HYOU1: variants seen among roughly 807,000 people sequenced by gnomAD.
HYOU1 encodes the protein hypoxia up-regulated 1.
A neutral mutation model predicts 120.5 loss-of-function variants in HYOU1; 40 were observed. That is an observed-to-expected ratio of 0.33 (90% CI 0.26 to 0.43). HYOU1 has a LOEUF of 0.43. Ranked by LOEUF, HYOU1 falls within the 20% of genes least tolerant of loss-of-function variation. HYOU1 has a pLI of 1.00. For synonymous variants in HYOU1, 501 were observed against 479.4 expected (o/e 1.05, Z -0.59); for missense variants, 1,085 against 1,278.3 (o/e 0.85, Z 2.31).
rs2133574341 is a variant in HYOU1 at position 119,049,596 on chromosome 11, G to A, written c.1766C>T (p.Thr589Ile). The change falls in exon 16 of 26, where the codon ACC becomes ATC. Residue 589 changes from threonine to isoleucine, a missense_variant. By Grantham distance (89) the Thr-to-Ile change is moderately conservative. This residue lies in a region of HYOU1 where 516 missense variants were observed against 517.1 expected (regional missense o/e 1.00). Transcript: ENST00000617285. ...ACCATTCTCCTTGGCATCTGGTGTG[G>A]TACCGCCTCCAAACAGGCTGGAAAT... Reference protein sequence around the residue: ...NTISSLFGGGTTPDAKENGTD... With the variant: ...NTISSLFGGGITPDAKENGTD... The A allele has an allele frequency of 6.2e-6, 10 of 1,614,134 alleles. No homozygotes were observed. In the African/African-American group the frequency reaches 1.2e-4, roughly 19 times the overall value.
chr11:119,054,118 T>C lies in HYOU1; in HGVS notation c.794+3A>G, dbSNP rs2133602908. ...CAGCCCTCCCTGCCAAGTATCCACT[T>C]ACCCTACTCCCCGGATCTGCAGCTG... is the stretch of plus-strand genomic sequence containing the variant. On this transcript the variant is annotated splice_donor_region_variant and intron_variant, in intron 8 of 25. Coordinates refer to ENST00000617285, the MANE Select transcript of HYOU1 (RefSeq NM_006389.5). 6.3e-6 allele frequency: 10 copies of C among 1,599,082 alleles called. No individual in the cohort carries two copies. In the South Asian group the frequency reaches 1.1e-4, roughly 18 times the overall value.
chr11:119,046,218 A>G (rs2133548228), intron 24 of HYOU1, among the ~76,000 whole-genome samples, 199 bp downstream of exon 24: 1 of 150,532 alleles, frequency 6.6e-6, no homozygotes, highest in East Asian at 2.0e-4. Context: ...TACCCGCCTC[A>G]GCCTTCCAAA....
intron 14 of HYOU1, among the ~76,000 whole-genome samples, chr11:119,050,325 G>A (rs148444929): frequency 0.015 from 2,252 of 152,052 alleles, 57 homozygotes; most frequent in African/African-American, 0.05. Context: ...AGACAGGAGA[G>A]TCACTTGAAC....
chr11:119,048,603 A>C lies in HYOU1; in HGVS notation c.2166-40T>G, dbSNP rs2133565852. 2 of 1,611,380 alleles carry C rather than the reference A, an allele frequency of 1.2e-6. No homozygotes were observed. Among genetic ancestry groups the C allele is most frequent in the African/African-American group, 2.7e-5 (2 of 74,954 alleles). On this transcript the variant is annotated intron_variant, in intron 18 of 25. Coordinates refer to ENST00000617285, the MANE Select transcript of HYOU1 (RefSeq NM_006389.5). This position sits in a 1 kb window ranked among gnomAD's most constrained non-coding sequence, Gnocchi z 4.7. ...AGGGGTAGGGATGAGGGAGAGGGCA[A>C]GTGAGAACTTGAGACTCTGGGTCCG... is the stretch of plus-strand genomic sequence containing the variant.
Position 119,051,414 on chromosome 11 carries a change from C to T in HYOU1, c.1526+24G>A. The T allele has an allele frequency of 1.9e-6, 3 of 1,611,578 alleles. No homozygotes were observed. The highest frequency in any genetic ancestry group is 2.5e-6 in the Non-Finnish European group (3 of 1,178,232). On this transcript the variant is annotated intron_variant, in intron 13 of 25. Coordinates refer to ENST00000617285, the MANE Select transcript of HYOU1 (RefSeq NM_006389.5). This position sits in a 1 kb window ranked among gnomAD's most constrained non-coding sequence, Gnocchi z 4.2. ...CCACGCCTCCCCCTCCCTGGAGCTC[C>T]CATCCTACACCCCTGCCCCTCACCG...
chr11:119,048,639 C>T lies in HYOU1; in HGVS notation c.2165+75G>A. ...GAGACTCTGGGTCCGACAGCCCTCC[C>T]TCCCAGGGCGCCATCCCACATCCTG... is the stretch of plus-strand genomic sequence containing the variant. On this transcript the variant is annotated intron_variant, in intron 18 of 25. Coordinates refer to ENST00000617285, the MANE Select transcript of HYOU1 (RefSeq NM_006389.5). The surrounding 1 kb of genome is among the most constrained non-coding windows in gnomAD (Gnocchi z 4.7). The T allele has an allele frequency of 1.9e-6, 3 of 1,607,264 alleles. No individual in the cohort carries two copies. Among genetic ancestry groups the T allele is most frequent in the East Asian group, 2.2e-5 (1 of 44,828 alleles).
chr11:119,044,724 G>C lies in HYOU1; in HGVS notation c.*869C>G, dbSNP rs916662177. On this transcript the variant is annotated 3_prime_UTR_variant, in exon 26 of 26. Coordinates refer to ENST00000617285, the MANE Select transcript of HYOU1 (RefSeq NM_006389.5). ...GGAAAGGCTCTGTCTGGGAGGAGCA[G>C]AACAGCAGAAGAGAGGAGGAGGCAG... The C allele has an allele frequency of 5.3e-6, 1 of 190,378 alleles. No individual in the cohort carries two copies. The highest frequency in any genetic ancestry group is 2.3e-5 in the African/African-American group (1 of 43,290). The allele number at this position is 190,378 out of a possible 1,614,324, so 11.8% of individuals were successfully genotyped here.
chr11:119,054,292 G>T, intron 7 of HYOU1, 56 bp from the exon 8 acceptor site: 1 of 1,409,746 alleles, frequency 7.1e-7, no homozygotes, highest in Non-Finnish European at 1.0e-6. Flanking sequence ...CAGGGGGCCT[G>T]CCTGCCCACC....
intron 1 of HYOU1, chr11:119,056,703 A>G (rs1944793908): frequency 3.7e-6 from 1 of 267,880 alleles, no homozygotes; most frequent in African/African-American, 2.2e-5. Flanking sequence ...CCCCTTTCCC[A>G]GCTCACTCCC....
chr11:119,046,830 A>C (rs1177507704), intron 22 of HYOU1, 28 bp from the exon 23 acceptor site: 1 of 1,596,292 alleles, frequency 6.3e-7, no homozygotes, highest in Non-Finnish European at 8.5e-7. Flanking sequence ...AGAGGCTCCA[A>C]GCTAGCCATG....
In HYOU1 at chr11:119,046,567, G is replaced by T. The variant is rs2133550968; in HGVS notation, c.2831C>A (p.Pro944Gln). The T allele has an allele frequency of 6.2e-7, 1 of 1,613,816 alleles. No homozygotes were observed. The highest frequency in any genetic ancestry group is 8.5e-7 in the Non-Finnish European group (1 of 1,179,770). Reference sequence around the variant, plus strand: ...GCCAGGTACCCTGTTCTCACCTGCTGGAGGGATGACCTTCTCCCCCTGGTC... The same window carrying T: ...GCCAGGTACCCTGTTCTCACCTGCTTGAGGGATGACCTTCTCCCCCTGGTC... ...ASDQGEKVIP[P>Q]AGQTEDAEPI... Residue 944 changes from proline (P) to glutamine (Q), a missense_variant, in exon 23 of 26, where the codon CCA (proline) becomes CAA (glutamine). Pro to Gln is a moderately conservative substitution (Grantham distance 76, BLOSUM62 -1). Around this residue, in one of 4 missense-constraint regions of HYOU1, gnomAD observed 516 missense variants for 517.1 expected, o/e 1.00. Transcript: ENST00000617285.
rs2133560118 is a variant in HYOU1, at chr11:119,047,995, C to T, written c.2462G>A (p.Arg821Gln). The change falls in exon 21 of 26, where the codon CGG becomes CAG. Residue 821 changes from arginine to glutamine, a missense_variant. Arg to Gln is a conservative substitution (Grantham distance 43). Coordinates refer to ENST00000617285, the MANE Select transcript of HYOU1 (RefSeq NM_006389.5). Reference sequence around the variant, plus strand: ...GAGGAGATTATCGAGGGCAGACAGCCGTTCGGGCCACTTCTTGCGCTCCTC... The same window carrying T: ...GAGGAGATTATCGAGGGCAGACAGCTGTTCGGGCCACTTCTTGCGCTCCTC... Reference protein sequence around the residue: ...RVEERKKWPERLSALDNLLNH... With the variant: ...RVEERKKWPEQLSALDNLLNH... The T allele has an allele frequency of 1.9e-5, 31 of 1,614,186 alleles. No individual in the cohort carries two copies. The East Asian group carries it at 2.5e-4, about 13-fold the overall frequency.
chr11:119,056,208 C>G (rs531962222), intron 1 of HYOU1, 41 bp from the exon 2 acceptor site: 3 of 1,392,200 alleles, frequency 2.2e-6, no homozygotes, highest in Admixed American at 1.7e-5. Flanking sequence ...AACTGGATAC[C>G]CGGAGTGAAG....
rs2133585085 is a variant in HYOU1 at position 119,051,461 on chromosome 11, G to A, written c.1503C>T (p.Gly501=). 2 of 1,614,130 alleles carry A rather than the reference G, an allele frequency of 1.2e-6. No homozygotes were observed. The highest frequency in any genetic ancestry group is 3.3e-5 in the Admixed American group (2 of 60,024). ...ACCGAAGATCTTCAGGCCCCAGGAA[G>A]CCCAGGTCGCCGTAGTTGATGTGGA... ...FNFHINYGDL[G]FLGPEDLRVF... The change falls in exon 13 of 26, where the codon GGC becomes GGT. Residue 501 remains glycine, a synonymous_variant. Coordinates refer to ENST00000617285, the MANE Select transcript of HYOU1 (RefSeq NM_006389.5). This position sits in a 1 kb window ranked among gnomAD's most constrained non-coding sequence, Gnocchi z 4.2.
chr11:119,050,791 G>T (rs1050190783), intron 14 of HYOU1, among the ~76,000 whole-genome samples: 1 of 105,272 alleles, frequency 9.5e-6, no homozygotes, highest in African/African-American at 3.5e-5. Flanking sequence ...ATTGTTCCAA[G>T]AAATTTACAA....
rs782459894 is a variant in HYOU1, at chr11:119,045,618, C to T, written c.2975G>A (p.Arg992Gln). ...TTATAGTTCGTCGTTCTTCAAAGGC[C>T]GCTTCTGTCCTGTCGATTGTTCTTT... ...EQKEQSTGQK[R>Q]PLKNDEL The change falls in exon 26 of 26, where the codon CGG becomes CAG. Residue 992 changes from arginine (R) to glutamine (Q), a missense_variant. Arg to Gln is a conservative substitution (Grantham distance 43, BLOSUM62 1). Coordinates refer to ENST00000617285, the MANE Select transcript of HYOU1 (RefSeq NM_006389.5). 26 of 1,614,192 alleles carry T rather than the reference C, an allele frequency of 1.6e-5. 1 individual carries two copies. The highest frequency in any genetic ancestry group is 1.4e-4 in the South Asian group (13 of 91,084).
Position 119,052,474 on chromosome 11 carries a change from G to A in HYOU1, c.988-45C>T, listed in dbSNP as rs2133593300. 2.1e-5 allele frequency: 34 copies of A among 1,612,830 alleles called. No individual in the cohort carries two copies. The highest frequency in any genetic ancestry group is 1.6e-4 in the Middle Eastern group (1 of 6,084). On this transcript the variant is annotated intron_variant, in intron 9 of 25. Coordinates refer to ENST00000617285, the MANE Select transcript of HYOU1 (RefSeq NM_006389.5). The surrounding 1 kb of genome is among the most constrained non-coding windows in gnomAD (Gnocchi z 5.0). Reference sequence around the variant, plus strand: ...GTCAGGGGGTTCTTGCCCAGCTCCCGCTCTCTTGGTGAGTAGGACAGAAAC... The same window carrying A: ...GTCAGGGGGTTCTTGCCCAGCTCCCACTCTCTTGGTGAGTAGGACAGAAAC...
Position 119,055,647 on chromosome 11 carries a change from C to T in HYOU1, c.186-76G>A, listed in dbSNP as rs1944710184. The T allele has an allele frequency of 6.0e-6, 9 of 1,503,050 alleles. No individual in the cohort carries two copies. The highest frequency in any genetic ancestry group is 8.3e-6 in the Non-Finnish European group (9 of 1,079,138). 93.1% of individuals were successfully genotyped at this position (1,503,050 alleles called of 1,614,324 possible). A position where few individuals can be genotyped will look rare whatever the true frequency, so the allele number is the denominator to read the frequency against. Reference sequence around the variant, plus strand: ...AGCCTCGACACTCACACACATTTAACCACTCAGATGCCGAAGTCTGCTGTG... The same window carrying T: ...AGCCTCGACACTCACACACATTTAATCACTCAGATGCCGAAGTCTGCTGTG... On this transcript the variant is annotated intron_variant, in intron 3 of 25. Transcript: ENST00000617285. The surrounding 1 kb of genome is among the most constrained non-coding windows in gnomAD (Gnocchi z 4.0).
chr11:119,054,269 C>T (rs1031817563), intron 7 of HYOU1, 33 bp from the exon 8 acceptor site: 6 of 1,547,138 alleles, frequency 3.9e-6, no homozygotes, highest in Admixed American at 1.7e-5. Flanking sequence ...GTCACAGGAA[C>T]CTTCTCAAAC....
Sources: allele counts gnomAD v4.1 joint callset (sites outside exome capture counted in the v4.1 genomes callset), GRCh38; gene constraint gnomAD v4.1.1; regional missense constraint gnomAD v4.1.1; non-coding constraint Gnocchi (gnomAD v3.1); transcripts MANE v1.5; gene names NCBI Gene and HGNC (gene_info 2026-07-23, HGNC 2026-07-21).